Variants in SOS1 observed in about 807,000 individuals in gnomAD.
The protein encoded by SOS1 is son of sevenless homolog 1.
Under a neutral mutation model 157.6 loss-of-function variants are expected in SOS1, and 25 were observed. The ratio of observed to expected loss-of-function variants is 0.16; its 90% CI spans 0.12 to 0.22. The LOEUF (loss-of-function observed/expected upper bound fraction) is 0.22. Among genes scored for constraint, SOS1 ranks in the 10% least tolerant of loss-of-function variants. The pLI, the probability that SOS1 is intolerant of heterozygous loss-of-function variation, is 1.00. For synonymous variants in SOS1, 528 were observed against 534.0 expected (o/e 0.99, Z 0.16); for missense variants, 1,237 against 1,599.1 (o/e 0.77, Z 3.86).
intron 1 of SOS1, among the ~76,000 whole-genome samples, chr2:39,069,776 G>A (rs973388493): frequency 3.9e-4 from 59 of 152,274 alleles, no homozygotes; most frequent in Middle Eastern, 3.4e-3. Flanking sequence ...TCAAACTCCC[G>A]ACCTCAGGTG....
intron 10 of SOS1, among the ~76,000 whole-genome samples, chr2:39,022,225 GAAGA>G (rs1669820899): frequency 1.3e-5 from 2 of 151,222 alleles, no homozygotes; most frequent in Admixed American, 6.6e-5. Context: ...AATGGAAAAA[GAAGA>G]AAGAAAAAAA....
chr2:39,085,105 T>C (rs1183994891), intron 1 of SOS1, among the ~76,000 whole-genome samples: 2 of 152,164 alleles, frequency 1.3e-5, no homozygotes, highest in African/African-American at 2.4e-5. Context: ...GACTGCAGTG[T>C]CGTGTTCACA....
At chr2:39,115,095 G>T (rs1274382605) in intron 1 of SOS1, among the ~76,000 whole-genome samples, 2 of 151,946 alleles carry the variant, frequency 1.3e-5, no homozygotes, top group Non-Finnish European at 2.9e-5. Context: ...TCAGCGTGTG[G>T]TCTCATCTAC....
At chr2:39,019,426 TCTTA>T (rs1379153046) in intron 10 of SOS1, among the ~76,000 whole-genome samples, 1 of 151,792 alleles carries the variant, frequency 6.6e-6, no homozygotes, top group East Asian at 1.9e-4. Flanking sequence ...CTTTGTGCTT[TCTTA>T]CTTAGGATAA....
chr2:39,093,187 TATAC>T (rs1672651531), intron 1 of SOS1, among the ~76,000 whole-genome samples: 1 of 152,204 alleles, frequency 6.6e-6, no homozygotes, highest in Non-Finnish European at 1.5e-5. Flanking sequence ...ATAATGAAGA[TATAC>T]AGGCCATTCT....
In SOS1 at chr2:39,003,073, A is replaced by AAAACAAAC. The variant is rs11272244; in HGVS notation, c.2791+3338_2791+3339insGTTTGTTT. Among the ~76,000 whole-genome samples, 13 of 148,072 alleles carry AAAACAAAC rather than the reference A, an allele frequency of 8.8e-5. 1 individual carries two copies. The highest frequency in any genetic ancestry group is 1.6e-4 in the Non-Finnish European group (11 of 66,786). ...TAAAGTGAGACCTTGTATCAAAAAA[A>AAAACAAAC]AAAAAGAACGTAGGGGTAGGGGAAA... On this transcript the variant is annotated intron_variant, in intron 17 of 22. Coordinates refer to ENST00000402219, the MANE Select transcript of SOS1 (RefSeq NM_005633.4).
At chr2:39,107,309 C>A (rs574241949) in intron 1 of SOS1, among the ~76,000 whole-genome samples, 11 of 152,304 alleles carry the variant, frequency 7.2e-5, no homozygotes, top group African/African-American at 2.4e-4. Context: ...CAGTTTCTCA[C>A]TAGCTCCTCC....
chr2:39,097,272 A>G (rs1392528470), intron 1 of SOS1, among the ~76,000 whole-genome samples: 6 of 152,236 alleles, frequency 3.9e-5, no homozygotes, highest in African/African-American at 9.6e-5. Context: ...AATATGAGCT[A>G]TAAATTAAAA....
At position 39,085,114 on chromosome 2, in the gene SOS1, C is replaced by G. The variant is rs183802630; in HGVS notation, c.88-17361G>C. ...AGGTTGGACTGCAGTGTCGTGTTCA[C>G]AGCTCACTGCAGCCTTGACCTCCTG... On this transcript the variant is annotated intron_variant, in intron 1 of 22. Transcript: ENST00000402219. 6.8e-4 allele frequency among the ~76,000 whole-genome samples: 104 copies of G among 152,296 alleles called. No homozygotes were observed. The Middle Eastern group carries it at 0.017, about 25-fold the overall frequency.
intron 1 of SOS1, among the ~76,000 whole-genome samples, chr2:39,114,466 G>A (rs189490414): frequency 1.7e-4 from 26 of 149,928 alleles, no homozygotes; most frequent in African/African-American, 5.6e-4. Flanking sequence ...ACCACGCCCA[G>A]CTAATTTTGT....
intron 1 of SOS1, among the ~76,000 whole-genome samples, chr2:39,091,526 T>C (rs1289137607): frequency 6.6e-6 from 1 of 151,854 alleles, no homozygotes; most frequent in Non-Finnish European, 1.5e-5. Flanking sequence ...CCTCACCTCA[T>C]TCATGAACAA....
chr2:39,070,296 C>A (rs1054602208), intron 1 of SOS1, among the ~76,000 whole-genome samples: 1 of 152,176 alleles, frequency 6.6e-6, no homozygotes, highest in African/African-American at 2.4e-5. Flanking sequence ...ATGCTACCAC[C>A]ACATGGTAGG....
At chr2:39,122,677 C>T (rs981136965), upstream of SOS1, among the ~76,000 whole-genome samples, 1 of 152,080 alleles carries the variant, frequency 6.6e-6, no homozygotes, top group Non-Finnish European at 1.5e-5. Flanking sequence ...GGAATGAAAG[C>T]TGGAATTATA....
At chr2:39,058,308 C>T (rs1671285466) in intron 3 of SOS1, among the ~76,000 whole-genome samples, 1 of 151,974 alleles carries the variant, frequency 6.6e-6, no homozygotes, top group Non-Finnish European at 1.5e-5. Context: ...GGTCTCTACA[C>T]AAAGTACTAA....
intron 6 of SOS1, among the ~76,000 whole-genome samples, chr2:39,044,719 A>G (rs903098244): frequency 6.6e-6 from 1 of 152,158 alleles, no homozygotes; most frequent in African/African-American, 2.4e-5. Context: ...TTTCGTATAT[A>G]TGGGTTCCAC....
At chr2:39,000,923 T>G (rs1669076618) in intron 17 of SOS1, among the ~76,000 whole-genome samples, 1 of 152,158 alleles carries the variant, frequency 6.6e-6, no homozygotes, top group African/African-American at 2.4e-5. Flanking sequence ...AAAGCAAGAA[T>G]GGAGACAAGG....
intron 15 of SOS1, among the ~76,000 whole-genome samples, chr2:39,009,317 T>C (rs893507276): frequency 2.0e-5 from 3 of 152,024 alleles, no homozygotes; most frequent in African/African-American, 7.2e-5. Flanking sequence ...AAAATAAAGA[T>C]TTTCCCAGAT....
chr2:39,082,172 T>A (rs1297391325), intron 1 of SOS1, among the ~76,000 whole-genome samples: 1 of 152,202 alleles, frequency 6.6e-6, no homozygotes, highest in South Asian at 2.1e-4. Flanking sequence ...TTGTACCCAG[T>A]AGCCATCCCC....
intron 22 of SOS1, 102 bp downstream of exon 22, chr2:38,987,371 C>T (rs1668588212): frequency 1.4e-6 from 1 of 717,584 alleles, no homozygotes; most frequent in South Asian, 1.5e-5. Flanking sequence ...CCTGTATACT[C>T]TGAAATGTTA....
Sources: gnomAD v4.1 joint callset for allele counts (sites outside exome capture counted in the v4.1 genomes callset) on GRCh38, gnomAD v4.1.1 for gene constraint, MANE v1.5 for transcripts, NCBI Gene and HGNC (gene_info 2026-07-23, HGNC 2026-07-21) for gene names.